MUS81: variants seen among roughly 807,000 people sequenced by gnomAD.
MUS81 encodes MUS81 structure-specific endonuclease subunit.
Under a neutral mutation model 74.2 loss-of-function variants are expected in MUS81, and 69 were observed. The observed-to-expected ratio is 0.93, with a 90% CI of 0.77 to 1.14. The LOEUF is 1.14. MUS81 is among the 50% of genes most tolerant of loss of function. MUS81 has a pLI of 0.00. For missense variants in MUS81, 711 were observed against 726.5 expected, an observed-to-expected ratio of 0.98 and a Z score of 0.25; for synonymous variants, 303 against 300.6, an observed-to-expected ratio of 1.01 and a Z score of -0.08.
chr11:65,865,662 G>A, intron 14 of MUS81, 149 bp from the exon 15 acceptor site: 1 of 817,552 alleles, frequency 1.2e-6, no homozygotes, highest in Non-Finnish European at 1.9e-6. Context: ...GGACAGCCCG[G>A]CTGGCATGGG....
chr11:65,860,729 C>A lies in MUS81; in HGVS notation c.-25C>A, dbSNP rs1235494512. The A allele has an allele frequency of 2.6e-6, 4 of 1,532,490 alleles. No individual in the cohort carries two copies. In the African/African-American group the frequency reaches 4.1e-5, roughly 16 times the overall value. The allele number at this position is 1,532,490 out of a possible 1,614,324, so 94.9% of individuals were successfully genotyped here. A position where few individuals can be genotyped will look rare whatever the true frequency, so the allele number is the denominator to read the frequency against. On this transcript the variant is annotated 5_prime_UTR_variant, in exon 1 of 16. Transcript: ENST00000308110. Reference sequence around the variant, plus strand: ...GCGTCCCAGTCCCGCGGGCGTGGAGCGCCGGAGGACCCGCCCTCGGGCTCA... The same window carrying A: ...GCGTCCCAGTCCCGCGGGCGTGGAGAGCCGGAGGACCCGCCCTCGGGCTCA...
intron 14 of MUS81, 153 bp downstream of exon 14, chr11:65,865,476 G>A: frequency 1.2e-6 from 1 of 806,302 alleles, no homozygotes; most frequent in Non-Finnish European, 1.9e-6. Flanking sequence ...GGTCAAGTGG[G>A]GAGGAAGCCA....
chr11:65,865,032 A>G lies in MUS81; in HGVS notation c.1288A>G (p.Ser430Gly). The G allele has an allele frequency of 1.9e-6, 3 of 1,613,740 alleles. No individual in the cohort carries two copies. Among genetic ancestry groups the G allele is most frequent in the South Asian group, 1.1e-5 (1 of 91,080 alleles). The stretch of plus-strand genomic sequence containing the variant: ...CTTCCCTCAGGGCCACACCCTACGC[A>G]GCCGCCCCTGGGGAACCCCTGGGAA... The part of the protein sequence containing the change: ...QRLYQGHTLR[S>G]RPWGTPGNPE... The change falls in exon 13 of 16, where the codon AGC becomes GGC. Residue 430 changes from serine to glycine, a missense_variant. Ser to Gly is a moderately conservative substitution (Grantham distance 56). Transcript: ENST00000308110.
chr11:65,863,489 G>A lies in MUS81; in HGVS notation c.826G>A (p.Gly276Ser), dbSNP rs1260412539. ...CAGGGTGCTGTTGTGTGTGGACATT[G>A]GCGAGACCCGGGGGTGAGTGAGGTG... Reference protein sequence around the residue: ...EYRVLLCVDIGETRGGGHRPE... With the variant: ...EYRVLLCVDISETRGGGHRPE... Residue 276 changes from glycine (G) to serine (S), a missense_variant, in exon 8 of 16, where the codon GGC becomes AGC. Transcript: ENST00000308110. 6.2e-7 allele frequency: 1 copy of A among 1,614,216 alleles called. No homozygotes were observed. Among genetic ancestry groups the A allele is most frequent in the South Asian group, 1.1e-5 (1 of 91,090 alleles).
intron 3 of MUS81, chr11:65,861,672 G>A (rs768925324): frequency 5.0e-6 from 3 of 601,686 alleles, no homozygotes; most frequent in Non-Finnish European, 8.8e-6. Flanking sequence ...TAGTTACGGG[G>A]TCACCATTAT....
rs1405070912 is a variant in MUS81 at position 65,866,162 on chromosome 11, T to C, written c.*110T>C. 19 of 1,081,272 alleles carry C rather than the reference T, an allele frequency of 1.8e-5. No individual in the cohort carries two copies. The highest frequency in any genetic ancestry group is 2.5e-5 in the Non-Finnish European group (19 of 751,508). The allele number at this position is 1,081,272 out of a possible 1,614,324, so 67.0% of individuals were successfully genotyped here. ...ATTAGAATCTAAGTGTTTGCAGCCA[T>C]ATGTGTCATGTAGAAGATGCCTAGC... On this transcript the variant is annotated 3_prime_UTR_variant, in exon 16 of 16. Transcript: ENST00000308110.
intron 6 of MUS81, 26 bp downstream of exon 6, chr11:65,862,555 G>A (rs1347232422): frequency 6.2e-7 from 1 of 1,604,672 alleles, no homozygotes; most frequent in Non-Finnish European, 8.5e-7. Flanking sequence ...GGAGATACAG[G>A]AGAGCATGAG....
At chr11:65,860,190 T>C (rs1391867255), upstream of MUS81, 1 of 447,838 alleles carries the variant, frequency 2.2e-6, no homozygotes, top group Non-Finnish European at 4.5e-6. Context: ...TGGGTGTCCC[T>C]CCCACCAATA....
In MUS81 at chr11:65,865,026, C is replaced by T. The variant is rs1443632431; in HGVS notation, c.1282C>T (p.Leu428=). ...GLQRLYQGHT[L]RSRPWGTPGN... is the part of the protein sequence containing the mutation. ...TCCCTTCTTCCCTCAGGGCCACACCCTACGCAGCCGCCCCTGGGGAACCCC... is the reference window on the plus strand; with the variant it reads ...TCCCTTCTTCCCTCAGGGCCACACCTTACGCAGCCGCCCCTGGGGAACCCC... Residue 428 remains leucine, a synonymous_variant, in exon 13 of 16, where the codon CTA becomes TTA. Transcript: ENST00000308110. The T allele has an allele frequency of 1.2e-6, 2 of 1,613,694 alleles. No individual in the cohort carries two copies. Among genetic ancestry groups the T allele is most frequent in the Admixed American group, 1.7e-5 (1 of 60,020 alleles).
chr11:65,860,487 G>C lies in MUS81; in HGVS notation c.-267G>C. ...GGCTGGGAAAGGGCGCGTCTCAAAGGCTGGCTGGAGTGGAGCCAAGGGAAA... is the reference window on the plus strand; with the variant it reads ...GGCTGGGAAAGGGCGCGTCTCAAAGCCTGGCTGGAGTGGAGCCAAGGGAAA... On this transcript the variant is annotated 5_prime_UTR_variant, in exon 1 of 16. Coordinates refer to ENST00000308110, the MANE Select transcript of MUS81 (RefSeq NM_025128.5). The C allele has an allele frequency of 1.8e-6, 1 of 569,052 alleles. No homozygotes were observed. The highest frequency in any genetic ancestry group is 3.2e-6 in the Non-Finnish European group (1 of 314,842). 35.3% of individuals were successfully genotyped at this position (569,052 alleles called of 1,614,324 possible).
At chr11:65,861,481 A>G (rs1034303732) in intron 3 of MUS81, 46 bp downstream of exon 3, 49 of 1,515,380 alleles carry the variant, frequency 3.2e-5, no homozygotes, top group Non-Finnish European at 4.3e-5. Context: ...GGAGTGCGGG[A>G]GTATGATTTT....
downstream of MUS81, chr11:65,867,414 A>G (rs1454586788): frequency 4.4e-6 from 2 of 455,054 alleles, no homozygotes; most frequent in Non-Finnish European, 8.1e-6. Flanking sequence ...CAGAGCATTC[A>G]ATTTCAAAAA....
In MUS81 at chr11:65,863,863, T is replaced by TGCA; in HGVS notation, c.1028_1030dup (p.Ser343dup). The TGCA allele has an allele frequency of 6.2e-7, 1 of 1,614,172 alleles. No homozygotes were observed. Among genetic ancestry groups the TGCA allele is most frequent in the Non-Finnish European group, 8.5e-7 (1 of 1,180,006 alleles). ...GGAGCGCAAGCGACTGGATGACCTTTGCAGCAGCATCATCGACGGCCGCTT... is the reference window on the plus strand; with the variant it reads ...GGAGCGCAAGCGACTGGATGACCTTTGCAGCAGCAGCATCATCGACGGCCGCTT... On this transcript the variant is annotated inframe_insertion, in exon 10 of 16. Coordinates refer to ENST00000308110, the MANE Select transcript of MUS81 (RefSeq NM_025128.5).
intron 10 of MUS81, chr11:65,864,184 G>A (rs898061465): frequency 3.4e-6 from 2 of 586,458 alleles, no homozygotes; most frequent in Admixed American, 3.0e-5. Flanking sequence ...AAACCTCCAG[G>A]AGTGGAAATA....
chr11:65,865,966 C>T lies in MUS81; in HGVS notation c.1590-20C>T, dbSNP rs555818844. On this transcript the variant is annotated intron_variant, in intron 15 of 15. Coordinates refer to ENST00000308110, the MANE Select transcript of MUS81 (RefSeq NM_025128.5). ...TGCCCTAGGCCCAGGGCGTGACCCT[C>T]GCTGCCTCTCTTCCTGCAGGAATCT... is the stretch of plus-strand genomic sequence containing the variant. 19 of 1,613,756 alleles carry T rather than the reference C, an allele frequency of 1.2e-5. No individual in the cohort carries two copies. Among genetic ancestry groups the T allele is most frequent in the African/African-American group, 2.7e-5 (2 of 74,864 alleles).
Position 65,865,259 on chromosome 11 carries a change from C to G in MUS81, c.1441C>G (p.Gln481Glu), listed in dbSNP as rs762684304. 3.1e-6 allele frequency: 5 copies of G among 1,614,192 alleles called. No homozygotes were observed. In the South Asian group the frequency reaches 4.4e-5, roughly 14 times the overall value. ...AGAAGTGTTTGCCCGGCAGCTGATG[C>G]AGGTGCGCGGAGTGAGTGGGGAGAA... ...VREVFARQLMQVRGVSGEKAA... is the reference protein window; with the variant it reads ...VREVFARQLMEVRGVSGEKAA... The change falls in exon 14 of 16, where the codon CAG becomes GAG. Residue 481 changes from glutamine (Q) to glutamate (E), a missense_variant. Physicochemically the swap from Gln to Glu is conservative, Grantham distance 29. Transcript: ENST00000308110.
At chr11:65,862,961 G>C in intron 6 of MUS81, 104 bp from the exon 7 acceptor site, 13 of 1,485,440 alleles carry the variant, frequency 8.8e-6, no homozygotes, top group Non-Finnish European at 1.2e-5. Context: ...CATTTGTGCA[G>C]GGCGCCAAGG....
intron 15 of MUS81, 37 bp from the exon 16 acceptor site, chr11:65,865,949 G>A (rs772863898): frequency 6.2e-7 from 1 of 1,613,944 alleles, no homozygotes; most frequent in East Asian, 2.2e-5. Context: ...GCTGCCCTAG[G>A]CCCAGGGCGT....
At chr11:65,866,784 G>A, downstream of MUS81, 1 of 1,167,902 alleles carries the variant, frequency 8.6e-7, no homozygotes, top group East Asian at 2.6e-5. Flanking sequence ...CCCAGCCTGA[G>A]GCTTCCTGCA....
Sources: gnomAD v4.1 joint callset for allele counts on GRCh38, gnomAD v4.1.1 for gene constraint, MANE v1.5 for transcripts, NCBI Gene and HGNC (gene_info 2026-07-23, HGNC 2026-07-21) for gene names.